The following LRP1B variants were observed in gnomAD, a reference collection of about 807,000 sequenced individuals.
The protein encoded by LRP1B is LDL receptor related protein 1B.
LRP1B carries 217 observed loss-of-function variants against 556.6 expected under a neutral mutation model. The observed-to-expected ratio is 0.39, with a 90% CI of 0.35 to 0.44. The LOEUF (loss-of-function observed/expected upper bound fraction) is 0.44. Among genes scored for constraint, LRP1B ranks in the 20% least tolerant of loss-of-function variants. The pLI is 1.00. For missense variants in LRP1B, 5,053 were observed against 5,620.8 expected, an observed-to-expected ratio of 0.90 and a Z score of 3.23; for synonymous variants, 2,047 against 1,865.8, an observed-to-expected ratio of 1.10 and a Z score of -2.50.
rs369936451 is a variant in LRP1B at position 140,742,720 on chromosome 2, G to A, written c.5759-25904C>T. 5.5e-4 allele frequency among the ~76,000 whole-genome samples: 84 copies of A among 151,984 alleles called. No homozygotes were observed. In the South Asian group the frequency reaches 0.016, roughly 29 times the overall value. ...CCCAAATTGCTGTGATTACAGGTGC[G>A]AGCTCTATGAATGATTTTTGCCACT... On this transcript the variant is annotated intron_variant, in intron 35 of 90. Coordinates refer to ENST00000389484, the MANE Select transcript of LRP1B (RefSeq NM_018557.3).
intron 2 of LRP1B, among the ~76,000 whole-genome samples, chr2:141,725,049 T>G: frequency 6.6e-6 from 1 of 151,912 alleles, no homozygotes. Context: ...TTAAATTTAG[T>G]GTAAGAAAAA....
At chr2:141,836,690 G>A (rs1359830021) in intron 1 of LRP1B, among the ~76,000 whole-genome samples, 1 of 151,860 alleles carries the variant, frequency 6.6e-6, no homozygotes. Flanking sequence ...ATTTCTTTAT[G>A]CTGCTATCTT....
chr2:141,759,425 T>A (rs1694451884), intron 2 of LRP1B, among the ~76,000 whole-genome samples: 1 of 152,130 alleles, frequency 6.6e-6, no homozygotes, highest in Admixed American at 6.5e-5. Flanking sequence ...AGGAAGTAGA[T>A]GATAGATGAC....
intron 62 of LRP1B, among the ~76,000 whole-genome samples, chr2:140,451,676 C>T (rs1182367044): frequency 6.6e-6 from 1 of 152,020 alleles, no homozygotes; most frequent in Non-Finnish European, 1.5e-5. Context: ...CAACACAGTT[C>T]TTTTCATTAG....
intron 83 of LRP1B, among the ~76,000 whole-genome samples, chr2:140,312,956 T>C (rs1684373570): frequency 6.6e-6 from 1 of 151,840 alleles, no homozygotes; most frequent in Admixed American, 6.6e-5. Flanking sequence ...CAAACCCTAG[T>C]TATATAGTGT....
At chr2:140,314,764 T>C (rs1038703890) in intron 83 of LRP1B, among the ~76,000 whole-genome samples, 171 bp downstream of exon 83, 2 of 152,150 alleles carry the variant, frequency 1.3e-5, no homozygotes, top group African/African-American at 2.4e-5. Flanking sequence ...CTTGAACTTT[T>C]ATATACTGAA....
chr2:141,992,656 A>G (rs1388258843), intron 1 of LRP1B, among the ~76,000 whole-genome samples: 1 of 152,146 alleles, frequency 6.6e-6, no homozygotes, highest in Non-Finnish European at 1.5e-5. Flanking sequence ...GAAAACCTGC[A>G]TTCTGCCCGG....
At chr2:140,462,931 G>A (rs545121553) in intron 60 of LRP1B, among the ~76,000 whole-genome samples, 1 of 152,168 alleles carries the variant, frequency 6.6e-6, no homozygotes, top group East Asian at 1.9e-4. Context: ...AATTTCCCCT[G>A]ATATTTTTCT....
chr2:140,412,464 T>C (rs1485426647), intron 66 of LRP1B, among the ~76,000 whole-genome samples: 1 of 152,118 alleles, frequency 6.6e-6, no homozygotes, highest in Non-Finnish European at 1.5e-5. Flanking sequence ...TCAAATTTAA[T>C]CTAAATATGT....
Position 141,546,823 on chromosome 2 carries a change from A to G in LRP1B, c.206-66290T>C, listed in dbSNP as rs150172367. ...GTTAGAAACTGCCTGCTCCTTCAAC[A>G]TATCCAACACTGTTCTCTTCAGATT... On this transcript the variant is annotated intron_variant, in intron 2 of 90. Transcript: ENST00000389484. Among the ~76,000 whole-genome samples, 612 of 152,234 alleles carry G rather than the reference A, an allele frequency of 4.0e-3. 6 individuals are homozygous for G. Among genetic ancestry groups the G allele is most frequent in the Non-Finnish European group, 6.4e-3 (438 of 68,018 alleles).
intron 18 of LRP1B, among the ~76,000 whole-genome samples, chr2:140,959,431 A>G (rs2105312785): frequency 6.6e-6 from 1 of 151,708 alleles, no homozygotes; most frequent in African/African-American, 2.4e-5. Context: ...CAAAGAATAA[A>G]CTCATATCTA....
At chr2:141,597,376 G>A (rs572114401) in intron 2 of LRP1B, among the ~76,000 whole-genome samples, 28 of 151,996 alleles carry the variant, frequency 1.8e-4, no homozygotes, top group Admixed American at 5.2e-4. Flanking sequence ...GATTTAAGCC[G>A]TAACTAAGGC....
chr2:140,234,951 T>A (rs764130596), intron 89 of LRP1B, 67 bp from the exon 90 acceptor site: 2 of 679,808 alleles, frequency 2.9e-6, no homozygotes, highest in South Asian at 1.7e-5. Flanking sequence ...TCGATACATA[T>A]CATGTTAATT....
At chr2:140,735,063 G>GA (rs1344752689) in intron 35 of LRP1B, among the ~76,000 whole-genome samples, 1 of 152,180 alleles carries the variant, frequency 6.6e-6, no homozygotes, top group African/African-American at 2.4e-5. Context: ...AGTGGGCTGA[G>GA]AAAATAAACA....
chr2:140,317,443 C>A (rs1684571895), intron 82 of LRP1B, among the ~76,000 whole-genome samples: 1 of 151,438 alleles, frequency 6.6e-6, no homozygotes, highest in Non-Finnish European at 1.5e-5. Flanking sequence ...AAGGATGATT[C>A]TTCAGTTTCT....
intron 7 of LRP1B, among the ~76,000 whole-genome samples, chr2:141,185,556 AT>A (rs1393068920): frequency 6.6e-6 from 1 of 151,932 alleles, no homozygotes. Flanking sequence ...AAAATCTAAA[AT>A]TAAAAACAAG....
intron 2 of LRP1B, among the ~76,000 whole-genome samples, chr2:141,776,636 C>G (rs1415729612): frequency 6.6e-6 from 1 of 152,144 alleles, no homozygotes; most frequent in Admixed American, 6.5e-5. Flanking sequence ...AAAAAGAGCA[C>G]TGTTTGAACT....
intron 3 of LRP1B, among the ~76,000 whole-genome samples, chr2:141,384,684 C>T (rs34741104): frequency 6.6e-6 from 1 of 152,114 alleles, no homozygotes; most frequent in Non-Finnish European, 1.5e-5. Context: ...ATAACACTCC[C>T]TTGAAGCAGT....
At chr2:140,538,644 A>T (rs557698196) in intron 45 of LRP1B, among the ~76,000 whole-genome samples, 1 of 152,144 alleles carries the variant, frequency 6.6e-6, no homozygotes, top group Admixed American at 6.6e-5. Context: ...ACAAGGTAGC[A>T]AATAATTTAA....
Sources: allele counts gnomAD v4.1 joint callset (sites outside exome capture counted in the v4.1 genomes callset), GRCh38; gene constraint gnomAD v4.1.1; transcripts MANE v1.5; gene names NCBI Gene and HGNC (gene_info 2026-07-23, HGNC 2026-07-21).